SLC30A8: variants seen among roughly 807,000 people sequenced by gnomAD.
The protein encoded by SLC30A8 is solute carrier family 30 member 8, also known as proton-coupled zinc antiporter SLC30A8.
A neutral mutation model predicts 36.9 loss-of-function variants in SLC30A8; 27 were observed. That is an observed-to-expected ratio of 0.73 (90% CI 0.54 to 1.01). The LOEUF (loss-of-function observed/expected upper bound fraction) is 1.01, where lower values mean the gene tolerates loss of function less well. Among genes scored for constraint, SLC30A8 ranks in the 50% least tolerant of loss-of-function variants. SLC30A8 has a pLI of 0.00. For synonymous variants in SLC30A8, 164 were observed against 172.4 expected (o/e 0.95, Z 0.38); for missense variants, 439 against 452.0 (o/e 0.97, Z 0.26).
At position 117,026,355 on chromosome 8, in the gene SLC30A8, AGAAAGCATAG is replaced by A. The variant is rs534043026; in HGVS notation, c.-265-12862_-265-12853del. On this transcript the variant is annotated intron_variant, in intron 1 of 10. Coordinates refer to the SLC30A8 transcript ENST00000427715. ...AAACTTCCATTTGTTTTTTCTTTTA[AGAAAGCATAG>A]GGCAGAATATATGTATTCTTTTGCT... Among the ~76,000 whole-genome samples, 249 of 152,326 alleles carry A rather than the reference AGAAAGCATAG, an allele frequency of 1.6e-3. 1 individual carries two copies. The highest frequency in any genetic ancestry group is 3.4e-3 in the Middle Eastern group (1 of 294).
At chr8:117,076,584 G>C (rs953741309) in intron 2 of SLC30A8, among the ~76,000 whole-genome samples, 3 of 152,118 alleles carry the variant, frequency 2.0e-5, no homozygotes, top group African/African-American at 7.2e-5. Context: ...GAAGAACCAG[G>C]CTATTATTAA....
At chr8:117,145,114 A>G (rs565427304) in intron 1 of SLC30A8, among the ~76,000 whole-genome samples, 1 of 152,298 alleles carries the variant, frequency 6.6e-6, no homozygotes, top group East Asian at 1.9e-4. Flanking sequence ...ATGAATCTGG[A>G]GACCTCGTCA....
chr8:117,055,179 A>T (rs1817833540), intron 2 of SLC30A8, among the ~76,000 whole-genome samples: 1 of 152,332 alleles, frequency 6.6e-6, no homozygotes, highest in South Asian at 2.1e-4. Context: ...AAGTTCACAA[A>T]GGGGCTCAGC....
chr8:116,953,732 A>T (rs1484958596), intron 1 of SLC30A8, among the ~76,000 whole-genome samples: 1 of 151,956 alleles, frequency 6.6e-6, no homozygotes, highest in African/African-American at 2.4e-5. Flanking sequence ...TTTTCTATCA[A>T]CTTTTTTTCT....
intron 1 of SLC30A8, among the ~76,000 whole-genome samples, chr8:117,010,461 G>T (rs1816308458): frequency 6.6e-6 from 1 of 152,184 alleles, no homozygotes; most frequent in East Asian, 1.9e-4. Context: ...ACAGGATGTT[G>T]AAAGTTCAAT....
At chr8:117,097,416 A>ATATAT (rs1563593802) in intron 2 of SLC30A8, among the ~76,000 whole-genome samples, 34 of 104,660 alleles carry the variant, frequency 3.2e-4, no homozygotes, top group South Asian at 1.3e-3. Context: ...AAAAAAAAAA[A>ATATAT]AAATATATAT....
chr8:116,969,660 C>T (rs970855685), intron 1 of SLC30A8, among the ~76,000 whole-genome samples: 3 of 152,120 alleles, frequency 2.0e-5, no homozygotes, highest in Admixed American at 6.6e-5. Flanking sequence ...GACTATCGCT[C>T]CTAGGCTGCA....
chr8:117,167,485 A>ATC (rs1823117764), intron 6 of SLC30A8, among the ~76,000 whole-genome samples: 1 of 147,758 alleles, frequency 6.8e-6, no homozygotes, highest in African/African-American at 2.5e-5. Context: ...ATTTGCATAT[A>ATC]TATATATACA....
chr8:116,964,871 G>A (rs1445144502), intron 1 of SLC30A8, among the ~76,000 whole-genome samples: 4 of 152,162 alleles, frequency 2.6e-5, no homozygotes, highest in Non-Finnish European at 5.9e-5. Flanking sequence ...TATCTACTAT[G>A]TGTTAATGAA....
At position 117,161,674 on chromosome 8, in the gene SLC30A8, A is replaced by T; in HGVS notation, c.573-64A>T. 3 of 1,501,372 alleles carry T rather than the reference A, an allele frequency of 2.0e-6. No individual in the cohort carries two copies. In the South Asian group the frequency reaches 4.0e-5, roughly 20 times the overall value. 93.0% of individuals were successfully genotyped at this position (1,501,372 alleles called of 1,614,324 possible). On this transcript the variant is annotated intron_variant, in intron 4 of 7. Transcript: ENST00000456015. Reference sequence around the variant, plus strand: ...AATGCATGTTATTGCCAGCTTCTCCATTATGCTGCCTACGTTTTTAAGACT... The same window carrying T: ...AATGCATGTTATTGCCAGCTTCTCCTTTATGCTGCCTACGTTTTTAAGACT...
intron 1 of SLC30A8, among the ~76,000 whole-genome samples, chr8:117,021,526 G>A (rs1233850514): frequency 1.3e-5 from 2 of 152,112 alleles, no homozygotes; most frequent in East Asian, 3.9e-4. Context: ...CCATGCTGAT[G>A]GATTAGAGGA....
intron 2 of SLC30A8, among the ~76,000 whole-genome samples, chr8:117,072,215 A>G (rs1353387899): frequency 6.6e-6 from 1 of 151,982 alleles, no homozygotes; most frequent in East Asian, 1.9e-4. Context: ...ACAGCTTTCC[A>G]CTTTTGTTAT....
At chr8:117,167,500 T>A in intron 6 of SLC30A8, among the ~76,000 whole-genome samples, 1 of 147,708 alleles carries the variant, frequency 6.8e-6, no homozygotes, top group East Asian at 2.1e-4. Flanking sequence ...TATACATACA[T>A]ACATGTATAT....
intron 2 of SLC30A8, among the ~76,000 whole-genome samples, chr8:117,064,919 A>G (rs1264065718): frequency 6.6e-6 from 1 of 152,206 alleles, no homozygotes; most frequent in Non-Finnish European, 1.5e-5. Context: ...AATAGATAAA[A>G]TCGATTGAAG....
At chr8:117,064,809 G>A (rs372800002) in intron 2 of SLC30A8, among the ~76,000 whole-genome samples, 250 of 152,330 alleles carry the variant, frequency 1.6e-3, no homozygotes, top group Non-Finnish European at 2.5e-3. Context: ...GGGAGAGGAG[G>A]AAGAGGAGGG....
intron 2 of SLC30A8, among the ~76,000 whole-genome samples, chr8:117,107,256 TTAATA>T (rs1341659310): frequency 3.3e-5 from 5 of 152,176 alleles, no homozygotes; most frequent in African/African-American, 1.2e-4. Context: ...GACTCTGCAT[TTAATA>T]TAATATCAAA....
At chr8:117,090,714 A>G (rs1465114973) in intron 2 of SLC30A8, among the ~76,000 whole-genome samples, 1 of 152,246 alleles carries the variant, frequency 6.6e-6, no homozygotes, top group Non-Finnish European at 1.5e-5. Flanking sequence ...ATTTAGGGAA[A>G]GCACATTCAT....
At chr8:116,957,565 C>T (rs2130583789) in intron 1 of SLC30A8, among the ~76,000 whole-genome samples, 1 of 152,294 alleles carries the variant, frequency 6.6e-6, no homozygotes, top group Admixed American at 6.5e-5. Flanking sequence ...GCCACCATGC[C>T]CTGCCTAGAC....
chr8:117,069,182 A>C (rs1035232196), intron 2 of SLC30A8, among the ~76,000 whole-genome samples: 2 of 152,242 alleles, frequency 1.3e-5, no homozygotes, highest in Non-Finnish European at 2.9e-5. Context: ...GATAAAGAAT[A>C]GCTATAATCC....
Sources: allele counts gnomAD v4.1 joint callset (sites outside exome capture counted in the v4.1 genomes callset), GRCh38; gene constraint gnomAD v4.1.1; transcripts MANE v1.5; gene names NCBI Gene and HGNC (gene_info 2026-07-23, HGNC 2026-07-21).